The following PDGFD variants were observed in gnomAD, a reference collection of about 807,000 sequenced individuals.
PDGFD encodes the protein platelet derived growth factor D, also known as platelet-derived growth factor D.
PDGFD carries 30 observed loss-of-function variants against 44.7 expected under a neutral mutation model. The observed-to-expected ratio is 0.67, with a 90% CI of 0.50 to 0.91. The LOEUF (loss-of-function observed/expected upper bound fraction) is 0.91. Ranked by LOEUF, PDGFD falls within the 40% of genes least tolerant of loss-of-function variation. PDGFD has a pLI of 0.00. For missense variants in PDGFD, 445 were observed against 457.8 expected (o/e 0.97, Z 0.25); for synonymous variants, 173 against 168.4 (o/e 1.03, Z -0.21).
chr11:104,059,349 T>G (rs1379614480), intron 1 of PDGFD, among the ~76,000 whole-genome samples: 2 of 152,216 alleles, frequency 1.3e-5, no homozygotes, highest in Non-Finnish European at 2.9e-5. Flanking sequence ...TAAAAAGCCT[T>G]TTTCTTAATA....
At position 103,990,370 on chromosome 11, in the gene PDGFD, C is replaced by T. The variant is rs953115897; in HGVS notation, c.510+5695G>A. Among the ~76,000 whole-genome samples, 3 of 152,212 alleles carry T rather than the reference C, an allele frequency of 2.0e-5. 1 individual carries two copies. The highest frequency in any genetic ancestry group is 7.2e-5 in the African/African-American group (3 of 41,458). ...TCAGGTCTCCATTGAAATTTTACAT[C>T]CACAGATCATCCTTGACTCCCTAGC... On this transcript the variant is annotated intron_variant, in intron 3 of 6. Transcript: ENST00000393158.
rs12417784 is a variant in PDGFD, at chr11:104,017,828, G to A, written c.125-17573C>T. 3.1e-3 allele frequency among the ~76,000 whole-genome samples: 468 copies of A among 152,194 alleles called. 18 individuals carry two copies. The highest frequency in any genetic ancestry group is 0.028 in the Admixed American group (433 of 15,270). On this transcript the variant is annotated intron_variant, in intron 1 of 6. Transcript: ENST00000393158. ...AGAGACTTGGAGAAAGTAAGTACGCGATGTTTAATTTTTAAGAGCACCATC... is the reference window on the plus strand; with the variant it reads ...AGAGACTTGGAGAAAGTAAGTACGCAATGTTTAATTTTTAAGAGCACCATC...
At chr11:104,095,204 ATTTG>A (rs894741854) in intron 1 of PDGFD, among the ~76,000 whole-genome samples, 1 of 151,864 alleles carries the variant, frequency 6.6e-6, no homozygotes, top group African/African-American at 2.4e-5. Flanking sequence ...AAATATATTT[ATTTG>A]TTTGTTTGTT....
intron 1 of PDGFD, among the ~76,000 whole-genome samples, chr11:104,115,429 A>G (rs1861621445): frequency 6.6e-6 from 1 of 151,392 alleles, no homozygotes; most frequent in Admixed American, 6.6e-5. Flanking sequence ...TTTATATACT[A>G]TATATAATTG....
At chr11:104,041,150 T>C (rs1860344268) in intron 1 of PDGFD, among the ~76,000 whole-genome samples, 1 of 152,088 alleles carries the variant, frequency 6.6e-6, no homozygotes, top group Non-Finnish European at 1.5e-5. Flanking sequence ...CAATTATTTA[T>C]TGAATGCACA....
intron 5 of PDGFD, among the ~76,000 whole-genome samples, chr11:103,934,005 G>A (rs1435556123): frequency 6.6e-6 from 1 of 152,140 alleles, no homozygotes; most frequent in Admixed American, 6.6e-5. Flanking sequence ...CAAGTTAGGA[G>A]ATGAAGGTCT....
At chr11:104,098,737 A>T (rs1861322492) in intron 1 of PDGFD, among the ~76,000 whole-genome samples, 1 of 152,046 alleles carries the variant, frequency 6.6e-6, no homozygotes, top group African/African-American at 2.4e-5. Flanking sequence ...GCTGGTCTCA[A>T]ATTTCTTGGC....
Position 104,031,689 on chromosome 11 carries a change from C to T in PDGFD, c.125-31434G>A, listed in dbSNP as rs370574555. ...AATCATTCTATTATAAAGATATATG[C>T]ACATGTATGTTCATTGCAGCACTAT... On this transcript the variant is annotated intron_variant, in intron 1 of 6. Coordinates refer to ENST00000393158, the MANE Select transcript of PDGFD (RefSeq NM_025208.5). Among the ~76,000 whole-genome samples, 27 of 152,262 alleles carry T rather than the reference C, an allele frequency of 1.8e-4. No homozygotes were observed. The South Asian group carries it at 5.6e-3, about 32-fold the overall frequency.
intron 1 of PDGFD, chr11:104,038,378 G>A (rs1591134090): frequency 4.7e-6 from 1 of 213,622 alleles, no homozygotes; most frequent in East Asian, 1.2e-4. Context: ...AAATGCTATG[G>A]CTGCAGACCT....
chr11:103,959,525 T>C (rs975639247), intron 3 of PDGFD, among the ~76,000 whole-genome samples: 3 of 152,166 alleles, frequency 2.0e-5, no homozygotes, highest in Admixed American at 1.3e-4. Flanking sequence ...GTACTTCCTC[T>C]TTCCACTCCC....
At chr11:104,015,937 G>T (rs1229480745) in intron 1 of PDGFD, among the ~76,000 whole-genome samples, 1 of 152,146 alleles carries the variant, frequency 6.6e-6, no homozygotes, top group Non-Finnish European at 1.5e-5. Flanking sequence ...GTGCTACAGA[G>T]TCCAAAACCC....
At chr11:104,034,471 G>A (rs954266008) in intron 1 of PDGFD, among the ~76,000 whole-genome samples, 2 of 152,116 alleles carry the variant, frequency 1.3e-5, no homozygotes, top group African/African-American at 2.4e-5. Flanking sequence ...TATTTAGGCT[G>A]ATGTGACTTC....
chr11:104,077,396 A>G lies in PDGFD; in HGVS notation c.125-77141T>C, dbSNP rs1372798606. 4.6e-5 allele frequency among the ~76,000 whole-genome samples: 7 copies of G among 152,184 alleles called. 1 individual carries two copies. The highest frequency in any genetic ancestry group is 4.6e-4 in the Admixed American group (7 of 15,262). On this transcript the variant is annotated intron_variant, in intron 1 of 6. Transcript: ENST00000393158. ...GGAAGAGAAAGATGTTTAGGAGTTA[A>G]GGAAATAAGAGTTAGAAGGACATTG...
At chr11:103,969,485 T>TG (rs1033651547) in intron 3 of PDGFD, among the ~76,000 whole-genome samples, 6 of 148,254 alleles carry the variant, frequency 4.0e-5, no homozygotes, top group African/African-American at 1.5e-4. Flanking sequence ...TTTTTTTTTT[T>TG]TTTTTTTTTT....
chr11:104,103,691 C>T (rs1368479902), intron 1 of PDGFD, among the ~76,000 whole-genome samples: 1 of 151,784 alleles, frequency 6.6e-6, no homozygotes, highest in Non-Finnish European at 1.5e-5. Context: ...GCCATCCTAA[C>T]ATCATAGTGC....
intron 6 of PDGFD, among the ~76,000 whole-genome samples, chr11:103,910,059 A>G (rs903971429): frequency 6.6e-6 from 1 of 151,052 alleles, no homozygotes; most frequent in Non-Finnish European, 1.5e-5. Flanking sequence ...ACTTACCTGA[A>G]GTACCCAGAT....
chr11:104,042,312 TC>T (rs1486685875), intron 1 of PDGFD, among the ~76,000 whole-genome samples: 1 of 152,212 alleles, frequency 6.6e-6, no homozygotes, highest in Non-Finnish European at 1.5e-5. Context: ...AATCCCAGCT[TC>T]TTTCCACACC....
At chr11:104,029,881 C>CAT (rs1302475050) in intron 1 of PDGFD, among the ~76,000 whole-genome samples, 1 of 152,082 alleles carries the variant, frequency 6.6e-6, no homozygotes, top group Non-Finnish European at 1.5e-5. Flanking sequence ...TCAACAAATT[C>CAT]ATAAACTATG....
intron 3 of PDGFD, among the ~76,000 whole-genome samples, chr11:103,966,983 G>C (rs2134341218): frequency 6.6e-6 from 1 of 152,278 alleles, no homozygotes; most frequent in Non-Finnish European, 1.5e-5. Context: ...AAAAGTGAGG[G>C]CGGGGTGCCT....
Sources: gnomAD v4.1 joint callset for allele counts (sites outside exome capture counted in the v4.1 genomes callset) on GRCh38, gnomAD v4.1.1 for gene constraint, MANE v1.5 for transcripts, NCBI Gene and HGNC (gene_info 2026-07-23, HGNC 2026-07-21) for gene names.